HERC3: variants seen among roughly 807,000 people sequenced by gnomAD.
HERC3 encodes probable E3 ubiquitin-protein ligase HERC3.
In HERC3, 58 loss-of-function variants were observed where a neutral mutation model predicts 129.9. The ratio of observed to expected loss-of-function variants is 0.45; its 90% CI spans 0.36 to 0.56. The LOEUF (loss-of-function observed/expected upper bound fraction) is 0.56. Ranked by LOEUF, HERC3 falls within the 20% of genes least tolerant of loss-of-function variation. The pLI, the probability that HERC3 is intolerant of heterozygous loss-of-function variation, is 0.00. For synonymous variants in HERC3, 430 were observed against 451.0 expected (o/e 0.95, Z 0.59); for missense variants, 835 against 1,244.2 (o/e 0.67, Z 4.95).
At chr4:88,549,348 C>T in the HERC3 span, among the ~76,000 whole-genome samples, 14 of 151,540 alleles carry the variant, frequency 9.2e-5, no homozygotes, top group Admixed American at 5.2e-4. Context: ...TTTAGATTCA[C>T]GGAGTATATA....
chr4:88,604,544 A>G (rs922610791), intron 2 of HERC3, among the ~76,000 whole-genome samples: 1 of 152,214 alleles, frequency 6.6e-6, no homozygotes, highest in African/African-American at 2.4e-5. Flanking sequence ...ACGGAATCAT[A>G]TAATTTGTGG....
intron 22 of HERC3, 147 bp downstream of exon 22, chr4:88,686,949 T>C: frequency 1.5e-6 from 1 of 677,846 alleles, no homozygotes; most frequent in Admixed American, 2.6e-5. Context: ...GTCTTGAGTG[T>C]TATAGGGGTT....
At chr4:88,640,192 A>G (rs538389189) in intron 3 of HERC3, among the ~76,000 whole-genome samples, 1 of 152,348 alleles carries the variant, frequency 6.6e-6, no homozygotes, top group South Asian at 2.1e-4. Flanking sequence ...TAGAACCAGA[A>G]ATACCATTTG....
At chr4:88,550,525 C>A in the HERC3 span, among the ~76,000 whole-genome samples, 745 of 152,066 alleles carry the variant, frequency 4.9e-3, 3 homozygotes, top group South Asian at 7.9e-3. Context: ...GAGTGAACTC[C>A]CATTCACAAT....
the HERC3 span, among the ~76,000 whole-genome samples, chr4:88,558,110 A>C: frequency 1.3e-5 from 2 of 151,586 alleles, no homozygotes; most frequent in African/African-American, 2.4e-5. Context: ...AAAAGAACTA[A>C]AAGTAGAACT....
intron 3 of HERC3, among the ~76,000 whole-genome samples, chr4:88,626,319 C>CTA (rs1726093145): frequency 6.6e-6 from 1 of 152,080 alleles, no homozygotes; most frequent in Non-Finnish European, 1.5e-5. Context: ...GAAGCTGGGA[C>CTA]TACAGGTGTG....
the HERC3 span, among the ~76,000 whole-genome samples, chr4:88,550,633 G>C: frequency 6.6e-6 from 1 of 152,126 alleles, no homozygotes; most frequent in Non-Finnish European, 1.5e-5. Flanking sequence ...TGAAATAAAA[G>C]AGGATACAAA....
At chr4:88,684,889 G>T (rs1043743706) in intron 21 of HERC3, 5 of 152,286 alleles carry the variant, frequency 3.3e-5, no homozygotes, top group South Asian at 2.1e-4. Flanking sequence ...TCATCCTTGC[G>T]CAGGGGCCAT....
chr4:88,569,988 C>T, the HERC3 span, among the ~76,000 whole-genome samples: 19 of 152,216 alleles, frequency 1.2e-4, no homozygotes, highest in Admixed American at 6.5e-5. Context: ...TGCCCACTTC[C>T]TCTTATTTTT....
intron 3 of HERC3, among the ~76,000 whole-genome samples, chr4:88,637,781 A>C (rs2149251681): frequency 6.6e-6 from 1 of 152,264 alleles, no homozygotes; most frequent in Non-Finnish European, 1.5e-5. Flanking sequence ...GACATGAAAA[A>C]CCCTTCAAAA....
At chr4:88,618,174 G>A (rs1324377990) in intron 3 of HERC3, among the ~76,000 whole-genome samples, 2 of 152,194 alleles carry the variant, frequency 1.3e-5, no homozygotes, top group African/African-American at 4.8e-5. Flanking sequence ...TTTTCTTTGA[G>A]GTGCTATGTA....
At chr4:88,601,188 C>A (rs1184617401) in intron 2 of HERC3, among the ~76,000 whole-genome samples, 1 of 152,188 alleles carries the variant, frequency 6.6e-6, no homozygotes, top group African/African-American at 2.4e-5. Context: ...TGTAAGACAG[C>A]AAATTGAGAT....
the HERC3 span, among the ~76,000 whole-genome samples, chr4:88,575,880 A>G: frequency 6.6e-6 from 1 of 152,172 alleles, no homozygotes; most frequent in Non-Finnish European, 1.5e-5. Flanking sequence ...CTATTTTCTT[A>G]GGCAGTATGC....
chr4:88,577,626 G>GTGTATATATATATATATATATATATA, the HERC3 span, among the ~76,000 whole-genome samples: 1 of 99,136 alleles, frequency 1.0e-5, no homozygotes, highest in East Asian at 3.8e-4. Context: ...TAATAGGTTT[G>GTGTATATATATATATATATATATATA]TAATACCAAA....
chr4:88,673,765 A>G (rs1317221914), intron 16 of HERC3, among the ~76,000 whole-genome samples: 1 of 152,246 alleles, frequency 6.6e-6, no homozygotes, highest in African/African-American at 2.4e-5. Flanking sequence ...TTAAATTATT[A>G]TATATCAAAT....
chr4:88,647,978 C>T (rs553802131), intron 3 of HERC3, among the ~76,000 whole-genome samples: 1 of 152,240 alleles, frequency 6.6e-6, no homozygotes, highest in East Asian at 1.9e-4. Flanking sequence ...ACCAGACACT[C>T]ATCCTTCCCC....
chr4:88,607,363 G>A (rs1392680747), intron 3 of HERC3, among the ~76,000 whole-genome samples: 3 of 152,192 alleles, frequency 2.0e-5, no homozygotes, highest in Admixed American at 2.0e-4. Flanking sequence ...AGCTGGAAAG[G>A]TAGGGGGACT....
intron 16 of HERC3, among the ~76,000 whole-genome samples, chr4:88,671,608 C>G (rs1050206977): frequency 5.9e-5 from 9 of 152,192 alleles, no homozygotes; most frequent in African/African-American, 1.7e-4. Flanking sequence ...ACTGCAACCT[C>G]TGCTTCCCAG....
the HERC3 span, among the ~76,000 whole-genome samples, chr4:88,546,307 C>T: frequency 1.3e-5 from 2 of 152,176 alleles, no homozygotes; most frequent in African/African-American, 4.8e-5. Flanking sequence ...AAAGTACACA[C>T]ATCATTTAAC....
Sources: allele counts gnomAD v4.1 joint callset (sites outside exome capture counted in the v4.1 genomes callset), GRCh38; gene constraint gnomAD v4.1.1; transcripts MANE v1.5; gene names NCBI Gene and HGNC (gene_info 2026-07-23, HGNC 2026-07-21).